KATNAL1: variants seen among roughly 807,000 people sequenced by gnomAD.
KATNAL1 encodes the protein katanin p60 ATPase-containing subunit A-like 1.
KATNAL1 carries 32 observed loss-of-function variants against 55.2 expected under a neutral mutation model. That is an observed-to-expected ratio of 0.58 (90% CI 0.44 to 0.78). KATNAL1 has a LOEUF of 0.78. Among genes scored for constraint, KATNAL1 ranks in the 30% least tolerant of loss-of-function variants. KATNAL1 has a pLI of 0.00. For synonymous variants in KATNAL1, 193 were observed against 193.6 expected, an observed-to-expected ratio of 1.00 and a Z score of 0.02; for missense variants, 466 against 600.9, an observed-to-expected ratio of 0.78 and a Z score of 2.35.
chr13:30,238,147 C>G (rs1348834942), intron 6 of KATNAL1, among the ~76,000 whole-genome samples: 2 of 152,202 alleles, frequency 1.3e-5, no homozygotes, highest in Non-Finnish European at 2.9e-5. Context: ...CTCCCAAACA[C>G]CTACAGAAAA....
intron 6 of KATNAL1, among the ~76,000 whole-genome samples, chr13:30,237,071 C>G (rs1033947604): frequency 2.0e-5 from 3 of 152,222 alleles, no homozygotes; most frequent in Admixed American, 6.5e-5. Flanking sequence ...ACTAGTCACA[C>G]TGTCCTCAAC....
intron 6 of KATNAL1, 33 bp downstream of exon 6, chr13:30,240,427 T>C (rs1476777736): frequency 7.1e-7 from 1 of 1,405,314 alleles, no homozygotes; most frequent in Admixed American, 1.7e-5. Flanking sequence ...CAAGTAGCAT[T>C]CTTATATCAA....
At chr13:30,301,004 G>A (rs930085585) in intron 1 of KATNAL1, among the ~76,000 whole-genome samples, 16 of 152,126 alleles carry the variant, frequency 1.1e-4, no homozygotes, top group Admixed American at 1.0e-3. Flanking sequence ...AATTCTACTG[G>A]CAGCTTTAAA....
intron 3 of KATNAL1, among the ~76,000 whole-genome samples, chr13:30,266,187 A>T (rs1479717037): frequency 2.6e-5 from 4 of 151,898 alleles, no homozygotes; most frequent in Admixed American, 2.6e-4. Flanking sequence ...ATTTTTGTGG[A>T]GACAGGGTTT....
intron 1 of KATNAL1, among the ~76,000 whole-genome samples, chr13:30,300,950 G>A (rs973231863): frequency 3.3e-5 from 5 of 152,108 alleles, no homozygotes; most frequent in Admixed American, 1.3e-4. Context: ...GAGCTTAAAC[G>A]TTTCTCAAAA....
intron 3 of KATNAL1, among the ~76,000 whole-genome samples, chr13:30,259,061 C>T (rs1037143691): frequency 1.3e-5 from 2 of 152,214 alleles, no homozygotes; most frequent in Admixed American, 6.5e-5. Context: ...TATTAAGGGT[C>T]GGACACAGTG....
chr13:30,220,980 T>C lies in KATNAL1; in HGVS notation c.1147+6432A>G, dbSNP rs565452670. On this transcript the variant is annotated intron_variant, in intron 9 of 10. Transcript: ENST00000380615. ...TCCCAGAGTGCTGGGATTACAGGCG[T>C]GAGCAACAACACCCAGCGAAATAAA... 3.0e-3 allele frequency among the ~76,000 whole-genome samples: 455 copies of C among 152,320 alleles called. 1 individual carries two copies. The highest frequency in any genetic ancestry group is 0.017 in the South Asian group (84 of 4,824).
chr13:30,263,419 G>A (rs1186516624), intron 3 of KATNAL1, among the ~76,000 whole-genome samples: 4 of 150,682 alleles, frequency 2.7e-5, no homozygotes, highest in East Asian at 3.9e-4. Flanking sequence ...AGGAAAAGAG[G>A]AAGTCAAATT....
intron 9 of KATNAL1, among the ~76,000 whole-genome samples, chr13:30,223,913 A>G (rs1875176706): frequency 6.6e-6 from 1 of 152,258 alleles, no homozygotes. Context: ...TAAACATTCT[A>G]TTCAATTGCA....
intron 3 of KATNAL1, among the ~76,000 whole-genome samples, chr13:30,274,025 T>A (rs1880570350): frequency 6.6e-6 from 1 of 152,218 alleles, no homozygotes; most frequent in Admixed American, 6.5e-5. Context: ...CCACCGTATG[T>A]GGGACGGCAC....
chr13:30,282,552 C>T (rs1417521121), intron 2 of KATNAL1, among the ~76,000 whole-genome samples: 2 of 151,618 alleles, frequency 1.3e-5, no homozygotes, highest in East Asian at 1.9e-4. Context: ...ATGGGAAGAT[C>T]GCTTGAGCCC....
chr13:30,262,609 G>T (rs1285795312), intron 3 of KATNAL1, among the ~76,000 whole-genome samples: 1 of 151,988 alleles, frequency 6.6e-6, no homozygotes, highest in Non-Finnish European at 1.5e-5. Flanking sequence ...AAATAAACTA[G>T]AAAATCTAGA....
chr13:30,208,537 A>C lies in KATNAL1; in HGVS notation c.*3T>G, dbSNP rs1383934561. 3.9e-6 allele frequency: 6 copies of C among 1,521,692 alleles called. No individual in the cohort carries two copies. Among genetic ancestry groups the C allele is most frequent in the Non-Finnish European group, 5.3e-6 (6 of 1,127,806 alleles). The allele number at this position is 1,521,692 out of a possible 1,614,324, so 94.3% of individuals were successfully genotyped here. A position where few individuals can be genotyped will look rare whatever the true frequency, so the allele number is the denominator to read the frequency against. On this transcript the variant is annotated 3_prime_UTR_variant, in exon 11 of 11. Transcript: ENST00000380615. Reference sequence around the variant, plus strand: ...TACCAGAAATTAAAGAGCTGACAGAAATTCAAGCAGATCCAAATTCAACCA... The same window carrying C: ...TACCAGAAATTAAAGAGCTGACAGACATTCAAGCAGATCCAAATTCAACCA...
intron 3 of KATNAL1, among the ~76,000 whole-genome samples, chr13:30,260,067 G>GACCCCCCAGCAGCCTAACTGGGAGGT (rs1879143852): frequency 6.6e-6 from 1 of 152,106 alleles, no homozygotes; most frequent in Non-Finnish European, 1.5e-5. Context: ...CCCTGACCCC[G>GACCCCCCAGCAGCCTAACTGGGAGGT]ACCCCCCAGC....
chr13:30,253,506 AC>A (rs1255037626), intron 4 of KATNAL1, among the ~76,000 whole-genome samples: 2 of 152,038 alleles, frequency 1.3e-5, no homozygotes, highest in African/African-American at 4.8e-5. Flanking sequence ...CACTAAAAAT[AC>A]AAAAAAAATT....
At chr13:30,224,660 C>A (rs1875260280) in intron 9 of KATNAL1, among the ~76,000 whole-genome samples, 1 of 151,164 alleles carries the variant, frequency 6.6e-6, no homozygotes, top group Non-Finnish European at 1.5e-5. Flanking sequence ...GAGAAGAAAT[C>A]ATTGAAATAG....
intron 1 of KATNAL1, among the ~76,000 whole-genome samples, chr13:30,290,680 AC>A (rs992177123): frequency 4.7e-4 from 71 of 152,332 alleles, no homozygotes; most frequent in South Asian, 1.0e-3. Context: ...AAACATAGAT[AC>A]AAAAAATCTT....
chr13:30,224,446 A>C (rs1875231023), intron 9 of KATNAL1, among the ~76,000 whole-genome samples: 1 of 151,968 alleles, frequency 6.6e-6, no homozygotes, highest in Non-Finnish European at 1.5e-5. Flanking sequence ...AGGTGGGAGG[A>C]TCTGTTGATC....
intron 3 of KATNAL1, among the ~76,000 whole-genome samples, chr13:30,271,991 C>T (rs891100160): frequency 9.4e-5 from 14 of 148,832 alleles, no homozygotes; most frequent in African/African-American, 3.5e-4. Context: ...GAAGGTTAAA[C>T]AATGTAAGTC....
Sources: gnomAD v4.1 joint callset for allele counts (sites outside exome capture counted in the v4.1 genomes callset) on GRCh38, gnomAD v4.1.1 for gene constraint, MANE v1.5 for transcripts, NCBI Gene and HGNC (gene_info 2026-07-23, HGNC 2026-07-21) for gene names.